The following NEURL1 variants were observed in gnomAD, a reference collection of about 807,000 sequenced individuals.
The protein encoded by NEURL1 is neuralized E3 ubiquitin protein ligase 1.
In NEURL1, 26 loss-of-function variants were observed where a neutral mutation model predicts 41.2. The ratio of observed to expected loss-of-function variants is 0.63; its 90% CI spans 0.46 to 0.87. The LOEUF is 0.87. NEURL1 is among the 40% of genes least tolerant of loss of function. NEURL1 has a pLI of 0.00. For missense variants in NEURL1, 761 were observed against 871.1 expected, an observed-to-expected ratio of 0.87 and a Z score of 1.59; for synonymous variants, 400 against 402.3, an observed-to-expected ratio of 0.99 and a Z score of 0.07.
chr10:103,580,141 G>T (rs1283338818), intron 3 of NEURL1, among the ~76,000 whole-genome samples: 2 of 151,952 alleles, frequency 1.3e-5, no homozygotes, highest in African/African-American at 4.8e-5. Flanking sequence ...GGACCTCCCT[G>T]CCCTGGCAGG....
chr10:103,512,643 A>G (rs780387772), intron 1 of NEURL1, among the ~76,000 whole-genome samples: 4 of 152,160 alleles, frequency 2.6e-5, no homozygotes, highest in Non-Finnish European at 5.9e-5. Flanking sequence ...CCAAACAAAC[A>G]TAAAAAGGAC....
intron 4 of NEURL1, among the ~76,000 whole-genome samples, chr10:103,586,924 G>A (rs1263174150): frequency 6.6e-6 from 1 of 152,090 alleles, no homozygotes; most frequent in Non-Finnish European, 1.5e-5. Flanking sequence ...GGTGGTGCAC[G>A]CCTGTAAGCC....
chr10:103,530,036 G>A (rs527646658), intron 1 of NEURL1, among the ~76,000 whole-genome samples: 22 of 152,114 alleles, frequency 1.4e-4, no homozygotes, highest in Non-Finnish European at 2.8e-4. Flanking sequence ...GGTATCAGTT[G>A]TAATGTCTCT....
chr10:103,494,451 G>T lies in NEURL1; in HGVS notation c.64G>T (p.Gly22Cys). The change falls in exon 1 of 6, where the codon GGC (glycine) becomes TGC (cysteine). Residue 22 changes from glycine (G) to cysteine (C), a missense_variant. Physicochemically the swap from Gly to Cys is radical, Grantham distance 159 (BLOSUM62 -3). This residue lies in a region of NEURL1 where 94 missense variants were observed against 96.6 expected (regional missense o/e 0.97). Coordinates refer to ENST00000369780, the MANE Select transcript of NEURL1 (RefSeq NM_004210.5). ...PRGNPSRAPR[G>C]HPQNLKDSIG... ...AGGAAACCCGAGCCGCGCGCCGCGGGGCCACCCCCAGAACCTCAAAGGTAG... is the reference window on the plus strand; with the variant it reads ...AGGAAACCCGAGCCGCGCGCCGCGGTGCCACCCCCAGAACCTCAAAGGTAG... 2 of 1,594,696 alleles carry T rather than the reference G, an allele frequency of 1.3e-6. No individual in the cohort carries two copies. Among genetic ancestry groups the T allele is most frequent in the Non-Finnish European group, 1.7e-6 (2 of 1,170,954 alleles).
chr10:103,571,241 C>T, intron 2 of NEURL1, 128 bp downstream of exon 2: 1 of 993,894 alleles, frequency 1.0e-6, no homozygotes, highest in Non-Finnish European at 1.5e-6. Flanking sequence ...CCTGCCCCTG[C>T]CTTTCCTCTC....
At chr10:103,570,243 C>T (rs1396826846) in intron 1 of NEURL1, among the ~76,000 whole-genome samples, 2 of 152,180 alleles carry the variant, frequency 1.3e-5, no homozygotes, top group South Asian at 2.1e-4. Flanking sequence ...CCACCAGAGT[C>T]CCCAGCCCCT....
At chr10:103,543,207 G>C (rs528925804) in intron 1 of NEURL1, among the ~76,000 whole-genome samples, 1 of 152,292 alleles carries the variant, frequency 6.6e-6, no homozygotes, top group East Asian at 1.9e-4. Flanking sequence ...ATGCTCTTCT[G>C]CTGCCTCCAG....
chr10:103,575,185 C>T (rs1469767468), intron 3 of NEURL1, among the ~76,000 whole-genome samples: 1 of 151,958 alleles, frequency 6.6e-6, no homozygotes, highest in Non-Finnish European at 1.5e-5. Context: ...CCCTCCCTCT[C>T]TCCATCACCT....
intron 1 of NEURL1, among the ~76,000 whole-genome samples, chr10:103,524,347 C>T (rs1334577566): frequency 6.6e-6 from 1 of 152,048 alleles, no homozygotes; most frequent in Non-Finnish European, 1.5e-5. Flanking sequence ...GGATATTAAC[C>T]CCTTGTCAGA....
At chr10:103,519,478 A>G (rs369121869) in intron 1 of NEURL1, among the ~76,000 whole-genome samples, 5 of 152,202 alleles carry the variant, frequency 3.3e-5, no homozygotes, top group Admixed American at 6.5e-5. Flanking sequence ...GTGCCCAGGC[A>G]GGGCTAGGTA....
intron 1 of NEURL1, among the ~76,000 whole-genome samples, chr10:103,506,208 C>G (rs1211638798): frequency 6.6e-6 from 1 of 152,178 alleles, no homozygotes; most frequent in Admixed American, 6.5e-5. Flanking sequence ...TTGGCTTGCC[C>G]CAGCCCCTGC....
At chr10:103,528,641 A>G (rs1402480200) in intron 1 of NEURL1, among the ~76,000 whole-genome samples, 1 of 152,262 alleles carries the variant, frequency 6.6e-6, no homozygotes, top group East Asian at 1.9e-4. Flanking sequence ...ATAAGTGTTC[A>G]ATTTAAGAAA....
chr10:103,526,623 G>A (rs201311928), intron 1 of NEURL1, among the ~76,000 whole-genome samples: 6 of 151,834 alleles, frequency 4.0e-5, no homozygotes, highest in African/African-American at 9.7e-5. Flanking sequence ...GTGATTCTCC[G>A]GCCTCAGCCT....
At position 103,585,209 on chromosome 10, in the gene NEURL1, G is replaced by T. The variant is rs1367922788; in HGVS notation, c.1323G>T (p.Thr441=). The T allele has an allele frequency of 1.3e-6, 2 of 1,548,340 alleles. No homozygotes were observed. Among genetic ancestry groups the T allele is most frequent in the East Asian group, 4.7e-5 (2 of 42,460 alleles). ...TCTTCGGCCTGCACGGGACCATCACGCAGATCCGCATCCTCGGTGAGTGCC... is the reference window on the plus strand; with the variant it reads ...TCTTCGGCCTGCACGGGACCATCACTCAGATCCGCATCCTCGGTGAGTGCC... ...WMLFGLHGTI[T]QIRILGSTIL... is the part of the protein sequence containing the mutation. The change falls in exon 4 of 6, where the codon ACG becomes ACT. Residue 441 remains threonine (T), a synonymous_variant. Transcript: ENST00000369780.
At position 103,556,826 on chromosome 10, in the gene NEURL1, G is replaced by C. The variant is rs2035166173; in HGVS notation, c.86-14046G>C. On this transcript the variant is annotated intron_variant, in intron 1 of 5. Transcript: ENST00000369780. The surrounding 1 kb of genome is among the most constrained non-coding windows in gnomAD (Gnocchi z 4.4). ...GGCCTTGCCCGTCTGTGGGGTGGGGGCTCTTCTCAGGGCTTGCTGGCCCCG... is the reference window on the plus strand; with the variant it reads ...GGCCTTGCCCGTCTGTGGGGTGGGGCCTCTTCTCAGGGCTTGCTGGCCCCG... 6.6e-6 allele frequency among the ~76,000 whole-genome samples: 1 copy of C among 152,296 alleles called. No individual in the cohort carries two copies. The highest frequency in any genetic ancestry group is 2.1e-4 in the South Asian group (1 of 4,828).
chr10:103,538,692 G>C (rs1416482679), intron 1 of NEURL1, among the ~76,000 whole-genome samples: 1 of 148,736 alleles, frequency 6.7e-6, no homozygotes, highest in African/African-American at 2.5e-5. Flanking sequence ...TGACGCCCAG[G>C]CTGGAGTGCA....
Position 103,591,867 on chromosome 10 carries a change from G to C in NEURL1, c.*1495G>C, listed in dbSNP as rs902849008. 1.3e-4 allele frequency: 20 copies of C among 152,340 alleles called. No homozygotes were observed. Among genetic ancestry groups the C allele is most frequent in the African/African-American group, 4.3e-4 (18 of 41,528 alleles). The allele number at this position is 152,340 out of a possible 1,614,324, so 9.4% of individuals were successfully genotyped here. ...CAGGACAGGGAGACCTTGTGATGGC[G>C]GGGCAGGGAGCCTGTTCGTAGGGAA... is the stretch of plus-strand genomic sequence containing the variant. On this transcript the variant is annotated 3_prime_UTR_variant, in exon 6 of 6. Coordinates refer to ENST00000369780, the MANE Select transcript of NEURL1 (RefSeq NM_004210.5).
chr10:103,525,599 C>T (rs1249003737), intron 1 of NEURL1, among the ~76,000 whole-genome samples: 1 of 152,126 alleles, frequency 6.6e-6, no homozygotes, highest in Non-Finnish European at 1.5e-5. Flanking sequence ...AGTGATCCAC[C>T]AGCCTCCTCC....
intron 1 of NEURL1, among the ~76,000 whole-genome samples, chr10:103,559,297 G>A (rs930490313): frequency 1.3e-5 from 2 of 152,178 alleles, no homozygotes; most frequent in African/African-American, 4.8e-5. Flanking sequence ...TCGTGCCTGT[G>A]GGCTCCAGGA....
Sources: allele counts gnomAD v4.1 joint callset (sites outside exome capture counted in the v4.1 genomes callset), GRCh38; gene constraint gnomAD v4.1.1; regional missense constraint gnomAD v4.1.1; non-coding constraint Gnocchi (gnomAD v3.1); transcripts MANE v1.5; gene names NCBI Gene and HGNC (gene_info 2026-07-23, HGNC 2026-07-21).